The following FREM2 variants were observed in gnomAD, a reference collection of about 807,000 sequenced individuals.
The protein encoded by FREM2 is FRAS1-related extracellular matrix protein 2.
A neutral mutation model predicts 219.9 loss-of-function variants in FREM2; 119 were observed. That is an observed-to-expected ratio of 0.54 (90% confidence interval 0.47 to 0.63). The LOEUF (loss-of-function observed/expected upper bound fraction) is 0.63. Ranked by LOEUF, FREM2 falls within the 30% of genes least tolerant of loss-of-function variation. FREM2 has a pLI of 0.00. For synonymous variants in FREM2, 1,562 were observed against 1,522.8 expected, an observed-to-expected ratio of 1.03 and a Z score of -0.60; for missense variants, 4,030 against 3,993.6, an observed-to-expected ratio of 1.01 and a Z score of -0.25.
intron 7 of FREM2, among the ~76,000 whole-genome samples, chr13:38,847,143 C>T (rs1244293475): frequency 6.6e-6 from 1 of 152,062 alleles, no homozygotes; most frequent in African/African-American, 2.4e-5. Flanking sequence ...TTATTTTAAC[C>T]ATGTGTCCCT....
At chr13:38,873,077 C>T in intron 17 of FREM2, 143 bp downstream of exon 17, 2 of 728,310 alleles carry the variant, frequency 2.7e-6, no homozygotes, top group South Asian at 3.5e-5. Flanking sequence ...ATAATTTCAC[C>T]TTTTTCATCA....
In FREM2 at chr13:38,870,101, T is replaced by C. The variant is rs1593455644; in HGVS notation, c.7984-2641T>C. ...AAAAGTAAACAAATTTTTTTCTTAG[T>C]TGCTTTAGGGAATAATTATGCCTCT... On this transcript the variant is annotated intron_variant, in intron 16 of 23. Transcript: ENST00000280481. Among the ~76,000 whole-genome samples the C allele has an allele frequency of 1.3e-5, 2 of 152,306 alleles. 1 individual carries two copies. Among genetic ancestry groups the C allele is most frequent in the South Asian group, 4.1e-4 (2 of 4,830 alleles).
At chr13:38,717,393 T>C (rs903659835) in intron 2 of FREM2, among the ~76,000 whole-genome samples, 1 of 148,128 alleles carries the variant, frequency 6.8e-6, no homozygotes, top group South Asian at 2.2e-4. Flanking sequence ...TGCAGTCCGA[T>C]TAGAATTTTA....
intron 2 of FREM2, among the ~76,000 whole-genome samples, chr13:38,732,640 C>G (rs1871815520): frequency 6.6e-6 from 1 of 152,066 alleles, no homozygotes; most frequent in African/African-American, 2.4e-5. Context: ...CATGTGGTGC[C>G]CCGAGCTGTG....
At chr13:38,825,526 C>T (rs1445222982) in intron 6 of FREM2, among the ~76,000 whole-genome samples, 2 of 152,012 alleles carry the variant, frequency 1.3e-5, no homozygotes, top group African/African-American at 4.8e-5. Context: ...TTCCTAGGTA[C>T]GTCTCTGAAA....
chr13:38,738,807 A>G (rs1204966502), intron 2 of FREM2, among the ~76,000 whole-genome samples: 1 of 152,116 alleles, frequency 6.6e-6, no homozygotes, highest in East Asian at 1.9e-4. Flanking sequence ...GAGAAAGAGA[A>G]GCCCATGAAG....
At chr13:38,703,489 A>G (rs1466931696) in intron 2 of FREM2, among the ~76,000 whole-genome samples, 1 of 152,138 alleles carries the variant, frequency 6.6e-6, no homozygotes, top group Non-Finnish European at 1.5e-5. Flanking sequence ...AGTGTTGGCT[A>G]CTGTGGCTGA....
chr13:38,715,468 A>C (rs1322807394), intron 2 of FREM2, among the ~76,000 whole-genome samples: 1 of 152,178 alleles, frequency 6.6e-6, no homozygotes, highest in Admixed American at 6.5e-5. Context: ...CTTCCTGGCT[A>C]ATCCAGAGCT....
intron 2 of FREM2, among the ~76,000 whole-genome samples, chr13:38,713,189 A>G (rs1870850631): frequency 6.6e-6 from 1 of 152,176 alleles, no homozygotes; most frequent in Non-Finnish European, 1.5e-5. Flanking sequence ...AGTGCTTCAT[A>G]GAGGAAGTCT....
At chr13:38,796,684 A>G (rs756086187) in intron 6 of FREM2, among the ~76,000 whole-genome samples, 6 of 152,178 alleles carry the variant, frequency 3.9e-5, no homozygotes, top group Non-Finnish European at 8.8e-5. Flanking sequence ...GACACTTAGG[A>G]TGATTCCATA....
chr13:38,886,751 T>A lies in FREM2; in HGVS notation c.*5964T>A, dbSNP rs920920179. Reference sequence around the variant, plus strand: ...AAACTCTTGGACAAGGAGCTTTGTGTTTTATAATTGTATTACGTGCCTGCT... The same window carrying A: ...AAACTCTTGGACAAGGAGCTTTGTGATTTATAATTGTATTACGTGCCTGCT... On this transcript the variant is annotated 3_prime_UTR_variant, in exon 24 of 24. Coordinates refer to ENST00000280481, the MANE Select transcript of FREM2 (RefSeq NM_207361.6). The A allele has an allele frequency of 2.0e-5, 3 of 152,206 alleles. No individual in the cohort carries two copies. The highest frequency in any genetic ancestry group is 7.2e-5 in the African/African-American group (3 of 41,458). The allele number at this position is 152,206 out of a possible 1,614,324, so 9.4% of individuals were successfully genotyped here.
chr13:38,843,108 C>CTT (rs368671175), intron 6 of FREM2, among the ~76,000 whole-genome samples: 2 of 152,272 alleles, frequency 1.3e-5, no homozygotes, highest in African/African-American at 4.8e-5. Flanking sequence ...ATAAACTTAT[C>CTT]TTTCCTCTGC....
intron 4 of FREM2, among the ~76,000 whole-genome samples, chr13:38,770,536 G>A (rs970819641): frequency 6.6e-6 from 1 of 152,068 alleles, no homozygotes; most frequent in Non-Finnish European, 1.5e-5. Flanking sequence ...TTGAGAATGA[G>A]ATCATTCTTG....
At chr13:38,693,605 A>G (rs1157413060) in intron 1 of FREM2, among the ~76,000 whole-genome samples, 1 of 152,234 alleles carries the variant, frequency 6.6e-6, no homozygotes, top group African/African-American at 2.4e-5. Flanking sequence ...TCACCATGTC[A>G]GAATGGACAC....
At chr13:38,706,553 G>A (rs907285821) in intron 2 of FREM2, among the ~76,000 whole-genome samples, 1 of 101,372 alleles carries the variant, frequency 9.9e-6, no homozygotes. Context: ...TTGTGTGTAT[G>A]TAGATACTCC....
intron 6 of FREM2, among the ~76,000 whole-genome samples, chr13:38,839,746 T>C (rs1876873799): frequency 6.6e-6 from 1 of 152,056 alleles, no homozygotes; most frequent in African/African-American, 2.4e-5. Flanking sequence ...GGAGGCTTTT[T>C]TTACTCTGTG....
At chr13:38,864,193 C>G (rs1877864669) in intron 15 of FREM2, 82 bp from the exon 16 acceptor site, 2 of 1,065,908 alleles carry the variant, frequency 1.9e-6, no homozygotes, top group African/African-American at 1.6e-5. Context: ...CACTTGTTTT[C>G]TTAAGAGATA....
chr13:38,797,414 TATC>T (rs1276898572), intron 6 of FREM2, among the ~76,000 whole-genome samples: 1 of 152,194 alleles, frequency 6.6e-6, no homozygotes, highest in African/African-American at 2.4e-5. Context: ...GAGAAATGTC[TATC>T]ATCTCCTTAG....
chr13:38,709,492 T>A (rs892343148), intron 2 of FREM2, among the ~76,000 whole-genome samples: 3 of 152,034 alleles, frequency 2.0e-5, no homozygotes, highest in Non-Finnish European at 2.9e-5. Flanking sequence ...TACCAAGTGA[T>A]GTATGGGGCA....
Sources: gnomAD v4.1 joint callset for allele counts (sites outside exome capture counted in the v4.1 genomes callset) on GRCh38, gnomAD v4.1.1 for gene constraint, MANE v1.5 for transcripts, NCBI Gene and HGNC (gene_info 2026-07-23, HGNC 2026-07-21) for gene names.